UGGT1: variants seen among roughly 807,000 people sequenced by gnomAD.
UGGT1 encodes UDP-glucose glycoprotein glucosyltransferase 1.
Under a neutral mutation model 203.9 loss-of-function variants are expected in UGGT1, and 107 were observed. That is an observed-to-expected ratio of 0.52 (90% confidence interval 0.45 to 0.62). The LOEUF (loss-of-function observed/expected upper bound fraction) is 0.62. UGGT1 is among the 20% of genes least tolerant of loss of function. UGGT1 has a pLI of 0.00. For missense variants in UGGT1, 1,673 were observed against 1,867.2 expected (o/e 0.90, Z 1.92); for synonymous variants, 628 against 653.5 (o/e 0.96, Z 0.59).
Position 128,138,775 on chromosome 2 carries a change from G to A in UGGT1, c.1642G>A (p.Gly548Arg). 6.2e-7 allele frequency: 1 copy of A among 1,614,130 alleles called. No individual in the cohort carries two copies. Among genetic ancestry groups the A allele is most frequent in the Non-Finnish European group, 8.5e-7 (1 of 1,180,022 alleles). The part of the protein sequence containing the change: ...SEDVDGMQDA[G>R]VAVLRAYNYV... The stretch of plus-strand genomic sequence containing the variant: ...AGATGTTGATGGGATGCAAGATGCT[G>A]GAGTGGCTGTTCTTAGAGCATATAA... Residue 548 changes from glycine (G) to arginine (R), a missense_variant, in exon 16 of 41, where the codon GGA (glycine) becomes AGA (arginine). Physicochemically the swap from Gly to Arg is moderately radical, Grantham distance 125. This residue lies in a region of UGGT1 where 1,073 missense variants were observed against 1,078.7 expected (regional missense o/e 0.99). Coordinates refer to ENST00000259253, the MANE Select transcript of UGGT1 (RefSeq NM_020120.4).
At position 128,129,021 on chromosome 2, in the gene UGGT1, C is replaced by T. The variant is rs1355666276; in HGVS notation, c.1227-8C>T. 2.6e-6 allele frequency: 4 copies of T among 1,535,392 alleles called. No homozygotes were observed. Among genetic ancestry groups the T allele is most frequent in the Admixed American group, 2.3e-5 (1 of 43,060 alleles). ...CTAGTAAATATCTCTTTTTGTTTTT[C>T]CCCCCAGTCTGTTTGATGTGTTGAG... On this transcript the variant is annotated splice_region_variant and splice_polypyrimidine_tract_variant and intron_variant, in intron 12 of 40. Coordinates refer to ENST00000259253, the MANE Select transcript of UGGT1 (RefSeq NM_020120.4).
At chr2:128,091,531 C>G (rs964052484) in intron 1 of UGGT1, 116 bp downstream of exon 1, 1 of 1,475,108 alleles carries the variant, frequency 6.8e-7, no homozygotes, top group Non-Finnish European at 9.0e-7. Flanking sequence ...AGTTTACCCT[C>G]TGGTGTCCTA....
At chr2:128,184,091 A>G (rs899922565) in intron 38 of UGGT1, among the ~76,000 whole-genome samples, 4 of 152,124 alleles carry the variant, frequency 2.6e-5, no homozygotes, top group Non-Finnish European at 5.9e-5. Flanking sequence ...TACTCAAACT[A>G]ATCTCATAGG....
At chr2:128,157,021 A>G (rs1287824071) in intron 21 of UGGT1, among the ~76,000 whole-genome samples, 2 of 152,250 alleles carry the variant, frequency 1.3e-5, no homozygotes, top group Admixed American at 6.5e-5. Flanking sequence ...TGCATTAATC[A>G]GTAGAATTAA....
intron 22 of UGGT1, among the ~76,000 whole-genome samples, chr2:128,159,175 G>A (rs1409738368): frequency 6.8e-6 from 1 of 146,402 alleles, no homozygotes; most frequent in East Asian, 2.0e-4. Flanking sequence ...TCTTGGCTCA[G>A]TGCAACCTCC....
chr2:128,160,629 T>C, intron 24 of UGGT1, 38 bp downstream of exon 24: 1 of 1,584,544 alleles, frequency 6.3e-7, no homozygotes, highest in South Asian at 1.1e-5. Context: ...ATTAGATCCG[T>C]GAACAGTCTT....
intron 38 of UGGT1, 119 bp downstream of exon 38, chr2:128,183,908 T>TA: frequency 2.0e-6 from 1 of 488,472 alleles, no homozygotes. Flanking sequence ...TGTTTTTTCA[T>TA]GGTGTGTGTG....
chr2:128,172,798 A>G, intron 29 of UGGT1, 36 bp downstream of exon 29: 2 of 1,584,394 alleles, frequency 1.3e-6, no homozygotes, highest in African/African-American at 1.3e-5. Flanking sequence ...ATACCTAATC[A>G]TGTATAATAC....
chr2:128,149,202 C>A (rs1176824786), intron 18 of UGGT1, among the ~76,000 whole-genome samples: 1 of 151,938 alleles, frequency 6.6e-6, no homozygotes, highest in South Asian at 2.1e-4. Context: ...CCACCACATG[C>A]AGCTAATTTT....
At chr2:128,166,154 C>G (rs1054528111) in intron 26 of UGGT1, among the ~76,000 whole-genome samples, 3 of 152,098 alleles carry the variant, frequency 2.0e-5, no homozygotes, top group African/African-American at 7.2e-5. Context: ...TAATGAGCAC[C>G]CAAATATCCT....
intron 27 of UGGT1, 42 bp from the exon 28 acceptor site, chr2:128,171,163 G>T (rs1558816619): frequency 1.9e-6 from 3 of 1,567,416 alleles, no homozygotes; most frequent in Admixed American, 1.9e-5. Context: ...AATTTCTGAA[G>T]AAAAAAATCC....
At chr2:128,109,544 C>A in intron 4 of UGGT1, 90 bp from the exon 5 acceptor site, 1 of 1,077,922 alleles carries the variant, frequency 9.3e-7, no homozygotes, top group Non-Finnish European at 1.4e-6. Flanking sequence ...GTTGTTTTGT[C>A]ATAATTTAAT....
chr2:128,094,051 A>G (rs557904653), intron 1 of UGGT1, among the ~76,000 whole-genome samples: 5 of 152,100 alleles, frequency 3.3e-5, no homozygotes, highest in African/African-American at 4.8e-5. Context: ...CATACCCCCA[A>G]TTTCCTCCCC....
Position 128,186,223 on chromosome 2 carries a change from T to C in UGGT1, c.4360-460T>C, listed in dbSNP as rs180692007. Among the ~76,000 whole-genome samples, 19 of 152,368 alleles carry C rather than the reference T, an allele frequency of 1.2e-4. 1 individual carries two copies. The highest frequency in any genetic ancestry group is 1.1e-3 in the Admixed American group (17 of 15,308). ...GTTTTGAATAACTTCTCTAAGGCAT[T>C]GGTAAGGACCTTTTCCATTTTAAAC... On this transcript the variant is annotated intron_variant, in intron 38 of 40. Transcript: ENST00000259253.
chr2:128,160,716 A>T (rs1690485081), intron 24 of UGGT1, 125 bp downstream of exon 24: 1 of 1,354,080 alleles, frequency 7.4e-7, no homozygotes, highest in Admixed American at 3.0e-5. Flanking sequence ...GGGCTTATGA[A>T]GTGCCATTGA....
chr2:128,132,674 C>G (rs1041614692), intron 13 of UGGT1, among the ~76,000 whole-genome samples: 3 of 152,100 alleles, frequency 2.0e-5, no homozygotes, highest in Non-Finnish European at 4.4e-5. Context: ...TGTGGCTTAT[C>G]TTTTAGTCAC....
intron 1 of UGGT1, among the ~76,000 whole-genome samples, chr2:128,096,598 T>A (rs1687127529): frequency 1.3e-5 from 2 of 152,206 alleles, no homozygotes. Context: ...CTCCTCTTTA[T>A]AACATCAGTC....
In UGGT1 at chr2:128,143,147, T is replaced by G. The variant is rs200271089; in HGVS notation, c.1773T>G (p.Ser591Arg). 841 of 1,613,984 alleles carry G rather than the reference T, an allele frequency of 5.2e-4. 11 individuals carry two copies. In the East Asian group the frequency reaches 0.013, roughly 26 times the overall value. The change falls in exon 17 of 41, where the codon AGT becomes AGG. Residue 591 changes from serine (S) to arginine (R), a missense_variant. Transcript: ENST00000259253. ...GEKVKVEHVV[S>R]VLEKKYPYVE... ...AAGTGAAAGTTGAACATGTGGTCAG[T>G]GTCCTGGAGAAGAAATATCCGTATG...
chr2:128,161,015 G>T, intron 24 of UGGT1, 123 bp from the exon 25 acceptor site: 1 of 1,109,010 alleles, frequency 9.0e-7, no homozygotes, highest in Non-Finnish European at 1.3e-6. Flanking sequence ...ACATGTACCT[G>T]TCTCAGGTCT....
Sources: allele counts gnomAD v4.1 joint callset (sites outside exome capture counted in the v4.1 genomes callset), GRCh38; gene constraint gnomAD v4.1.1; regional missense constraint gnomAD v4.1.1; transcripts MANE v1.5; gene names NCBI Gene and HGNC (gene_info 2026-07-23, HGNC 2026-07-21).